The following CLEC16A variants were observed in gnomAD, a reference collection of about 807,000 sequenced individuals.
The protein encoded by CLEC16A is C-type lectin domain containing 16A, also known as protein CLEC16A.
CLEC16A carries 51 observed loss-of-function variants against 109.5 expected under a neutral mutation model. That is an observed-to-expected ratio of 0.47 (90% CI 0.37 to 0.59). The LOEUF (loss-of-function observed/expected upper bound fraction) is 0.59. Ranked by LOEUF, CLEC16A falls within the 20% of genes least tolerant of loss-of-function variation. CLEC16A has a pLI of 0.00. For synonymous variants in CLEC16A, 673 were observed against 564.2 expected, an observed-to-expected ratio of 1.19 and a Z score of -2.73; for missense variants, 1,339 against 1,394.0, an observed-to-expected ratio of 0.96 and a Z score of 0.63.
chr16:11,087,880 G>A (rs1365076838), intron 19 of CLEC16A, among the ~76,000 whole-genome samples: 1 of 152,258 alleles, frequency 6.6e-6, no homozygotes, highest in East Asian at 1.9e-4. Flanking sequence ...GGCCTACCCA[G>A]TTTGAGGCAG....
chr16:11,000,156 C>G (rs1423834843), intron 10 of CLEC16A, among the ~76,000 whole-genome samples: 2 of 152,140 alleles, frequency 1.3e-5, no homozygotes, highest in African/African-American at 4.8e-5. Flanking sequence ...AACTTTATAT[C>G]CATGGGTTCC....
chr16:11,110,419 C>A (rs557449559), intron 19 of CLEC16A, among the ~76,000 whole-genome samples: 50 of 152,336 alleles, frequency 3.3e-4, no homozygotes, highest in African/African-American at 1.0e-3. Flanking sequence ...TCAGGGGAGG[C>A]CTCACTGCAG....
intron 11 of CLEC16A, among the ~76,000 whole-genome samples, chr16:11,017,801 G>A (rs1172974245): frequency 6.6e-6 from 1 of 152,066 alleles, no homozygotes; most frequent in Non-Finnish European, 1.5e-5. Context: ...TCTCAAGAAT[G>A]CCTGACCAGT....
At chr16:11,043,506 G>A (rs533961349) in intron 15 of CLEC16A, among the ~76,000 whole-genome samples, 166 of 152,092 alleles carry the variant, frequency 1.1e-3, no homozygotes, top group African/African-American at 3.5e-3. Context: ...CATTACAATC[G>A]AATTACCTAT....
At chr16:11,175,920 C>A (rs1038258344) in intron 23 of CLEC16A, among the ~76,000 whole-genome samples, 3 of 152,230 alleles carry the variant, frequency 2.0e-5, no homozygotes, top group Non-Finnish European at 4.4e-5. Flanking sequence ...AAAACACTTA[C>A]ATCGAAATTT....
intron 19 of CLEC16A, among the ~76,000 whole-genome samples, chr16:11,067,504 G>A (rs1028231570): frequency 5.3e-5 from 8 of 152,242 alleles, no homozygotes; most frequent in African/African-American, 1.7e-4. Context: ...ACGGCAGTGT[G>A]GCCACAGAGT....
chr16:11,042,078 C>T (rs1293790504), intron 14 of CLEC16A, 176 bp from the exon 15 acceptor site: 9 of 569,290 alleles, frequency 1.6e-5, no homozygotes, highest in East Asian at 2.9e-5. Context: ...TGAATTCTAA[C>T]TGATGGGGAA....
At chr16:11,115,838 C>T in intron 19 of CLEC16A, among the ~76,000 whole-genome samples, 1 of 151,418 alleles carries the variant, frequency 6.6e-6, no homozygotes, top group East Asian at 1.9e-4. Flanking sequence ...TACTATTGTA[C>T]ATTTTATGTT....
chr16:11,035,310 C>A (rs908005887), intron 13 of CLEC16A, among the ~76,000 whole-genome samples: 1 of 152,064 alleles, frequency 6.6e-6, no homozygotes, highest in Non-Finnish European at 1.5e-5. Flanking sequence ...GTATGTTTCC[C>A]CTTCATTTTG....
intron 11 of CLEC16A, among the ~76,000 whole-genome samples, chr16:11,009,890 A>G (rs1446947092): frequency 6.6e-6 from 1 of 152,196 alleles, no homozygotes; most frequent in African/African-American, 2.4e-5. Flanking sequence ...GCAGTGGCTC[A>G]CACCTGTAAT....
chr16:11,164,079 C>T (rs2054819267), intron 22 of CLEC16A, among the ~76,000 whole-genome samples: 1 of 152,094 alleles, frequency 6.6e-6, no homozygotes, highest in African/African-American at 2.4e-5. Flanking sequence ...CTGAGCGGGC[C>T]CCCGACACAC....
chr16:11,148,485 TCTCACTTAATC>T (rs2054160203), intron 22 of CLEC16A, among the ~76,000 whole-genome samples: 3 of 152,194 alleles, frequency 2.0e-5, no homozygotes, highest in African/African-American at 7.2e-5. Context: ...TGTGTACTCT[TCTCACTTAATC>T]CTCACAATGA....
intron 10 of CLEC16A, among the ~76,000 whole-genome samples, chr16:10,999,121 G>A (rs1343816274): frequency 5.3e-5 from 8 of 152,302 alleles, no homozygotes; most frequent in Non-Finnish European, 4.4e-5. Context: ...TATATGTTTA[G>A]AGACAGGGTC....
intron 1 of CLEC16A, among the ~76,000 whole-genome samples, chr16:10,950,162 C>G (rs576689940): frequency 4.5e-4 from 68 of 152,342 alleles, no homozygotes; most frequent in African/African-American, 1.5e-3. Context: ...CCTCAGGAAG[C>G]TGGCCGGGGT....
At chr16:10,951,653 C>A (rs1442944288) in intron 1 of CLEC16A, among the ~76,000 whole-genome samples, 1 of 152,174 alleles carries the variant, frequency 6.6e-6, no homozygotes, top group African/African-American at 2.4e-5. Context: ...CAGAGACTGG[C>A]AGTAATAGGA....
intron 14 of CLEC16A, 108 bp downstream of exon 14, chr16:11,039,984 G>A (rs2047232505): frequency 2.2e-5 from 30 of 1,371,138 alleles, no homozygotes; most frequent in South Asian, 9.0e-5. Context: ...TGAGAATCCG[G>A]GCCCATCCCA....
rs75857227 is a variant in CLEC16A at position 10,995,823 on chromosome 16, C to T, written c.1072-7251C>T. Among the ~76,000 whole-genome samples the T allele has an allele frequency of 5.3e-3, 811 of 152,306 alleles. 7 individuals carry two copies. Among genetic ancestry groups the T allele is most frequent in the Non-Finnish European group, 8.6e-3 (585 of 68,022 alleles). ...TTAGTCACCATGGCCTGTCTCCTTTCTTAAGGGGAAAACCTTTCTCCTACT... is the reference window on the plus strand; with the variant it reads ...TTAGTCACCATGGCCTGTCTCCTTTTTTAAGGGGAAAACCTTTCTCCTACT... On this transcript the variant is annotated intron_variant, in intron 10 of 23. Coordinates refer to ENST00000409790, the MANE Select transcript of CLEC16A (RefSeq NM_015226.3).
At chr16:11,068,846 G>C (rs576079595) in intron 19 of CLEC16A, among the ~76,000 whole-genome samples, 1 of 151,932 alleles carries the variant, frequency 6.6e-6, no homozygotes, top group Non-Finnish European at 1.5e-5. Flanking sequence ...ACAGAGTCTC[G>C]CTCTTTCATC....
intron 13 of CLEC16A, among the ~76,000 whole-genome samples, chr16:11,035,562 A>G (rs2046973708): frequency 1.3e-5 from 2 of 152,332 alleles, no homozygotes; most frequent in African/African-American, 4.8e-5. Context: ...CACTCTCCAC[A>G]TGACCCCAGG....
Sources: allele counts gnomAD v4.1 joint callset (sites outside exome capture counted in the v4.1 genomes callset), GRCh38; gene constraint gnomAD v4.1.1; transcripts MANE v1.5; gene names NCBI Gene and HGNC (gene_info 2026-07-23, HGNC 2026-07-21).